The following GRB14 variants were observed in gnomAD, a reference collection of about 807,000 sequenced individuals.
GRB14 encodes growth factor receptor-bound protein 14.
GRB14 carries 38 observed loss-of-function variants against 69.1 expected under a neutral mutation model. The ratio of observed to expected loss-of-function variants is 0.55; its 90% confidence interval spans 0.42 to 0.72. GRB14 has a LOEUF of 0.72. Ranked by LOEUF, GRB14 falls within the 30% of genes least tolerant of loss-of-function variation. GRB14 has a pLI of 0.00. For missense variants in GRB14, 666 were observed against 666.1 expected (o/e 1.00, Z 0.00); for synonymous variants, 247 against 241.3 (o/e 1.02, Z -0.22).
intron 2 of GRB14, among the ~76,000 whole-genome samples, chr2:164,607,526 C>A (rs1478707864): frequency 6.6e-6 from 1 of 152,184 alleles, no homozygotes; most frequent in Admixed American, 6.5e-5. Flanking sequence ...GAAGAGGAAG[C>A]ACACAGGTGG....
At chr2:164,558,067 C>T (rs1688724026) in intron 2 of GRB14, among the ~76,000 whole-genome samples, 1 of 152,120 alleles carries the variant, frequency 6.6e-6, no homozygotes, top group Non-Finnish European at 1.5e-5. Flanking sequence ...CATGCCGCAT[C>T]TAGGGTTCCA....
chr2:164,498,579 T>C (rs1686966576), intron 9 of GRB14, among the ~76,000 whole-genome samples: 2 of 152,140 alleles, frequency 1.3e-5, no homozygotes, highest in African/African-American at 4.8e-5. Flanking sequence ...TAACAGTTAT[T>C]TTCTACTAAT....
At chr2:164,586,634 A>T (rs963462625) in intron 2 of GRB14, among the ~76,000 whole-genome samples, 3 of 152,208 alleles carry the variant, frequency 2.0e-5, no homozygotes, top group Non-Finnish European at 4.4e-5. Context: ...TTCAGAAATG[A>T]GCCAGTGCTA....
At chr2:164,526,917 G>A (rs937408509) in intron 4 of GRB14, 97 bp downstream of exon 4, 26 of 750,954 alleles carry the variant, frequency 3.5e-5, no homozygotes, top group South Asian at 1.1e-4. Flanking sequence ...ACAATTTACC[G>A]AATAGGACTG....
At position 164,497,368 on chromosome 2, in the gene GRB14, T is replaced by G; in HGVS notation, c.1221+6A>C. ...AATATTTTGAAGCATGTGAAGCTAC[T>G]TGTACCCTCCAAGCGAGTCCTTCTT... On this transcript the variant is annotated splice_donor_region_variant and intron_variant, in intron 10 of 13. Coordinates refer to ENST00000263915, the MANE Select transcript of GRB14 (RefSeq NM_004490.3). 6.2e-7 allele frequency: 1 copy of G among 1,609,386 alleles called. No homozygotes were observed. The highest frequency in any genetic ancestry group is 1.1e-5 in the South Asian group (1 of 90,712).
chr2:164,543,160 C>T (rs1688281638), intron 3 of GRB14, among the ~76,000 whole-genome samples: 1 of 151,784 alleles, frequency 6.6e-6, no homozygotes, highest in Non-Finnish European at 1.5e-5. Context: ...AAATAGCTGG[C>T]TGTGGTGCCA....
chr2:164,544,105 G>A (rs1574291683), intron 3 of GRB14, among the ~76,000 whole-genome samples: 1 of 152,222 alleles, frequency 6.6e-6, no homozygotes, highest in Non-Finnish European at 1.5e-5. Context: ...CATGGTTGAT[G>A]AAGTCATGAG....
At chr2:164,544,009 T>C (rs1419647136) in intron 3 of GRB14, among the ~76,000 whole-genome samples, 1 of 152,158 alleles carries the variant, frequency 6.6e-6, no homozygotes, top group Admixed American at 6.6e-5. Context: ...TGTTTAAACA[T>C]ATAATCTGAG....
At chr2:164,611,764 A>T (rs1381954560) in intron 2 of GRB14, among the ~76,000 whole-genome samples, 1 of 151,770 alleles carries the variant, frequency 6.6e-6, no homozygotes, top group Non-Finnish European at 1.5e-5. Context: ...TGCCCCAATT[A>T]TTTCCATGAA....
intron 2 of GRB14, among the ~76,000 whole-genome samples, chr2:164,569,323 T>A (rs1559055355): frequency 6.6e-6 from 1 of 151,950 alleles, no homozygotes; most frequent in Non-Finnish European, 1.5e-5. Flanking sequence ...ACAAGAAAAA[T>A]TTCAATGAAG....
chr2:164,581,624 GT>G (rs1689406797), intron 2 of GRB14, among the ~76,000 whole-genome samples: 3 of 152,278 alleles, frequency 2.0e-5, no homozygotes, highest in South Asian at 2.1e-4. Flanking sequence ...TTTCAGCCCA[GT>G]GAACTGACTT....
At position 164,492,974 on chromosome 2, in the gene GRB14, T is replaced by C; in HGVS notation, c.*62A>G. ...GTAATGTTTTCGCCCTTATTTATGGTCTTTTATTATTTTTCTTGAGTCCTT... is the reference window on the plus strand; with the variant it reads ...GTAATGTTTTCGCCCTTATTTATGGCCTTTTATTATTTTTCTTGAGTCCTT... On this transcript the variant is annotated 3_prime_UTR_variant, in exon 14 of 14. Transcript: ENST00000263915. 1.4e-6 allele frequency: 2 copies of C among 1,457,818 alleles called. No homozygotes were observed. Among genetic ancestry groups the C allele is most frequent in the South Asian group, 2.7e-5 (2 of 74,958 alleles). 90.3% of individuals were successfully genotyped at this position (1,457,818 alleles called of 1,614,324 possible). A position where few individuals can be genotyped will look rare whatever the true frequency, so the allele number is the denominator to read the frequency against.
intron 6 of GRB14, among the ~76,000 whole-genome samples, chr2:164,516,545 C>T (rs1018740019): frequency 1.3e-5 from 2 of 151,714 alleles, no homozygotes; most frequent in South Asian, 2.1e-4. Flanking sequence ...AGCAGAAACA[C>T]TACAGGCTAG....
intron 2 of GRB14, among the ~76,000 whole-genome samples, chr2:164,611,067 C>G (rs1574355815): frequency 6.6e-6 from 1 of 152,084 alleles, no homozygotes. Flanking sequence ...TTGCTAAGTT[C>G]ACAAATAGAT....
chr2:164,615,434 GTTC>G (rs1690266855), intron 2 of GRB14, among the ~76,000 whole-genome samples: 1 of 152,250 alleles, frequency 6.6e-6, no homozygotes, highest in South Asian at 2.1e-4. Flanking sequence ...TGTCTCCCCT[GTTC>G]TTCTTGTGTT....
intron 2 of GRB14, among the ~76,000 whole-genome samples, chr2:164,613,178 C>T (rs565020382): frequency 6.6e-6 from 1 of 152,306 alleles, no homozygotes; most frequent in South Asian, 2.1e-4. Flanking sequence ...GCTGAACACT[C>T]TGAACTGGGT....
chr2:164,578,058 C>T (rs972065967), intron 2 of GRB14, among the ~76,000 whole-genome samples: 1 of 151,936 alleles, frequency 6.6e-6, no homozygotes, highest in African/African-American at 2.4e-5. Context: ...CATGGTGAAA[C>T]CCTGTATCTA....
intron 3 of GRB14, 63 bp downstream of exon 3, chr2:164,547,597 C>G: frequency 7.5e-7 from 1 of 1,324,930 alleles, no homozygotes; most frequent in South Asian, 1.5e-5. Context: ...TATTGGTGTT[C>G]AAGAGGGAGC....
chr2:164,563,431 T>C (rs1479386462), intron 2 of GRB14, among the ~76,000 whole-genome samples: 1 of 152,178 alleles, frequency 6.6e-6, no homozygotes, highest in Non-Finnish European at 1.5e-5. Context: ...CTGACTCCTC[T>C]TGTATCCAGA....
Sources: gnomAD v4.1 joint callset for allele counts (sites outside exome capture counted in the v4.1 genomes callset) on GRCh38, gnomAD v4.1.1 for gene constraint, MANE v1.5 for transcripts, NCBI Gene and HGNC (gene_info 2026-07-23, HGNC 2026-07-21) for gene names.